RBM6: variants seen among roughly 807,000 people sequenced by gnomAD.
The protein encoded by RBM6 is RNA binding motif protein 6.
A neutral mutation model predicts 140.4 loss-of-function variants in RBM6; 23 were observed. The observed-to-expected ratio is 0.16, with a 90% CI of 0.12 to 0.23. The LOEUF is 0.23. Ranked by LOEUF, RBM6 falls within the 10% of genes least tolerant of loss-of-function variation. The pLI, the probability that RBM6 is intolerant of heterozygous loss-of-function variation, is 1.00. For synonymous variants in RBM6, 439 were observed against 475.6 expected (o/e 0.92, Z 1.00); for missense variants, 1,139 against 1,386.7 (o/e 0.82, Z 2.84).
In RBM6 at chr3:49,967,687, G is replaced by A; in HGVS notation, c.262G>A (p.Gly88Arg). 1.2e-6 allele frequency: 2 copies of A among 1,614,136 alleles called. No individual in the cohort carries two copies. The highest frequency in any genetic ancestry group is 1.7e-6 in the Non-Finnish European group (2 of 1,180,038). Reference protein sequence around the residue: ...RDGPHGDYRGGEGPGHDFRGG... With the variant: ...RDGPHGDYRGREGPGHDFRGG... The stretch of plus-strand genomic sequence containing the variant: ...CGGACCGCATGGTGACTATCGAGGA[G>A]GGGAGGGACCTGGACATGATTTCAG... The change falls in exon 3 of 21, where the codon GGG (glycine) becomes AGG (arginine). Residue 88 changes from glycine (G) to arginine (R), a missense_variant. Around this residue, in one of 9 missense-constraint regions of RBM6, gnomAD observed 566 missense variants for 612.7 expected, o/e 0.92. Coordinates refer to ENST00000266022, the MANE Select transcript of RBM6 (RefSeq NM_005777.3). This position sits in a 1 kb window ranked among gnomAD's most constrained non-coding sequence, Gnocchi z 4.0.
chr3:49,944,180 C>T (rs2083396287), intron 1 of RBM6, among the ~76,000 whole-genome samples: 1 of 152,158 alleles, frequency 6.6e-6, no homozygotes, highest in South Asian at 2.1e-4. Flanking sequence ...CTGACAATCA[C>T]CATTCTGCTT....
chr3:49,959,819 G>A (rs1164254256), intron 1 of RBM6, among the ~76,000 whole-genome samples: 4 of 151,918 alleles, frequency 2.6e-5, no homozygotes, highest in South Asian at 4.2e-4. Context: ...TGATCCACAC[G>A]CCTCAGCCTC....
intron 6 of RBM6, among the ~76,000 whole-genome samples, chr3:50,006,175 C>T (rs985266517): frequency 3.2e-4 from 47 of 145,552 alleles, no homozygotes; most frequent in Non-Finnish European, 5.5e-4. Flanking sequence ...GATGGAGTCT[C>T]GCTGTGTCGC....
chr3:50,032,025 C>A (rs1451622501), intron 6 of RBM6, among the ~76,000 whole-genome samples: 1 of 152,158 alleles, frequency 6.6e-6, no homozygotes, highest in African/African-American at 2.4e-5. Context: ...TCAAGCATTA[C>A]TTCTAGTTAT....
At chr3:50,061,766 CT>C in intron 14 of RBM6, 195 bp from the exon 15 acceptor site, 1 of 1,317,498 alleles carries the variant, frequency 7.6e-7, no homozygotes, top group South Asian at 1.6e-5. Flanking sequence ...CAGTGTTGCT[CT>C]TGAAAAAGTG....
chr3:50,053,821 G>T (rs190253782), intron 7 of RBM6, among the ~76,000 whole-genome samples: 1 of 152,212 alleles, frequency 6.6e-6, no homozygotes, highest in African/African-American at 2.4e-5. Flanking sequence ...CCTTATTCTG[G>T]GCTAGTGAAT....
At chr3:50,022,688 A>G (rs1288209796) in intron 6 of RBM6, among the ~76,000 whole-genome samples, 1 of 152,116 alleles carries the variant, frequency 6.6e-6, no homozygotes, top group African/African-American at 2.4e-5. Flanking sequence ...ACATTTGATT[A>G]TTAGTTATTC....
chr3:50,012,237 C>T (rs550983257), intron 6 of RBM6, among the ~76,000 whole-genome samples: 2 of 152,028 alleles, frequency 1.3e-5, no homozygotes, highest in African/African-American at 2.4e-5. Flanking sequence ...TTTTTAGAGA[C>T]GAGGTCTCAA....
intron 8 of RBM6, among the ~76,000 whole-genome samples, chr3:50,056,657 G>A (rs535251138): frequency 1.3e-5 from 2 of 152,204 alleles, no homozygotes; most frequent in East Asian, 3.9e-4. Flanking sequence ...GCTTTAATCT[G>A]GAAACCTGTC....
chr3:50,049,941 A>G (rs2089399320), intron 7 of RBM6, among the ~76,000 whole-genome samples: 2 of 150,718 alleles, frequency 1.3e-5, no homozygotes, highest in Admixed American at 6.6e-5. Flanking sequence ...TCTCACCTCA[A>G]CCTCCCAAAT....
chr3:49,958,906 C>T (rs1000967242), intron 1 of RBM6, among the ~76,000 whole-genome samples: 2 of 151,466 alleles, frequency 1.3e-5, no homozygotes, highest in African/African-American at 4.9e-5. Flanking sequence ...AGCGATACTC[C>T]TGCCTCAGCC....
intron 5 of RBM6, among the ~76,000 whole-genome samples, chr3:49,984,620 C>A (rs910955375): frequency 2.6e-5 from 1 of 38,338 alleles, no homozygotes; most frequent in Non-Finnish European, 6.4e-5. Flanking sequence ...CACATCGCAT[C>A]GCATCGCATC....
In RBM6 at chr3:49,967,740, C is replaced by T. The variant is rs762161878; in HGVS notation, c.315C>T (p.Phe105=). The T allele has an allele frequency of 5.0e-6, 8 of 1,614,044 alleles. No individual in the cohort carries two copies. In the South Asian group the frequency reaches 8.8e-5, roughly 18 times the overall value. ...FRGGDFSSSD[F]QSRDSSQLDF... ...GGGGAGATTTTTCGTCTTCTGATTT[C>T]CAGAGCAGAGATTCATCACAGTTGG... Residue 105 remains phenylalanine (F), a synonymous_variant, in exon 3 of 21, where the codon TTC becomes TTT. Transcript: ENST00000266022. This position sits in a 1 kb window ranked among gnomAD's most constrained non-coding sequence, Gnocchi z 4.0.
Position 50,066,405 on chromosome 3 carries a change from T to G in RBM6, c.2846T>G (p.Leu949Arg). 6.2e-7 allele frequency: 1 copy of G among 1,613,882 alleles called. No homozygotes were observed. ...AAGAAGGAGAATGAAGAAGACAAAC[T>G]CACTGACTGGAATAAACTGGCTTGT... ...QTKKENEEDKLTDWNKLACLL... is the reference protein window; with the variant it reads ...QTKKENEEDKRTDWNKLACLL... The change falls in exon 17 of 21, where the codon CTC becomes CGC. Residue 949 changes from leucine (L) to arginine (R), a missense_variant. By Grantham distance (102) the Leu-to-Arg change is moderately radical (BLOSUM62 -2). Transcript: ENST00000266022.
Position 50,040,843 on chromosome 3 carries a change from T to A in RBM6, c.1558-7402T>A, listed in dbSNP as rs575502663. Among the ~76,000 whole-genome samples, 6 of 151,966 alleles carry A rather than the reference T, an allele frequency of 3.9e-5. No homozygotes were observed. The South Asian group carries it at 1.2e-3, about 32-fold the overall frequency. ...TATTTTTTGTAGAGGCGGGGTTTTA[T>A]CACATTGCCCAGGCTGGTCTCGAAC... On this transcript the variant is annotated intron_variant, in intron 6 of 20. Coordinates refer to ENST00000266022, the MANE Select transcript of RBM6 (RefSeq NM_005777.3).
rs1428555147 is a variant in RBM6, at chr3:49,940,189, A to C, written c.-103A>C. The C allele has an allele frequency of 6.6e-6, 1 of 152,456 alleles. No individual in the cohort carries two copies. Among genetic ancestry groups the C allele is most frequent in the Non-Finnish European group, 1.5e-5 (1 of 68,336 alleles). The allele number at this position is 152,456 out of a possible 1,614,324, so 9.4% of individuals were successfully genotyped here. A position where few individuals can be genotyped will look rare whatever the true frequency, so the allele number is the denominator to read the frequency against. ...GCTGGGTCGGTGGCGGAGGCTGAGG[A>C]GAAGGAGGAGCGGGCCGTGGAGGCT... On this transcript the variant is annotated 5_prime_UTR_variant, in exon 1 of 21. Transcript: ENST00000266022.
chr3:50,057,859 G>C lies in RBM6; in HGVS notation c.1825G>C (p.Glu609Gln). 1 of 1,614,042 alleles carries C rather than the reference G, an allele frequency of 6.2e-7. No individual in the cohort carries two copies. The highest frequency in any genetic ancestry group is 1.3e-5 in the African/African-American group (1 of 74,990). Residue 609 changes from glutamate (E) to glutamine (Q), a missense_variant, in exon 9 of 21, where the codon GAA becomes CAA. By Grantham distance (29) the Glu-to-Gln change is conservative. Around this residue, in one of 9 missense-constraint regions of RBM6, gnomAD observed 109 missense variants for 101.9 expected, o/e 1.07. Coordinates refer to ENST00000266022, the MANE Select transcript of RBM6 (RefSeq NM_005777.3). Reference sequence around the variant, plus strand: ...GGAACCTGAACCCAGGAAGAGGGAAGAAGGCCAAGAGTCACGCTTAGGACA... The same window carrying C: ...GGAACCTGAACCCAGGAAGAGGGAACAAGGCCAAGAGTCACGCTTAGGACA... ...DKEPEPRKRE[E>Q]GQESRLGHQK...
At chr3:49,965,989 G>A (rs1473220053) in intron 2 of RBM6, among the ~76,000 whole-genome samples, 1 of 152,136 alleles carries the variant, frequency 6.6e-6, no homozygotes, top group Non-Finnish European at 1.5e-5. Flanking sequence ...AGCTGGGCAT[G>A]GTGGCGCATG....
chr3:49,997,148 T>G (rs1167059810), intron 5 of RBM6, among the ~76,000 whole-genome samples: 1 of 152,146 alleles, frequency 6.6e-6, no homozygotes, highest in East Asian at 1.9e-4. Flanking sequence ...CCATGAGTCT[T>G]GAACACACAG....
Sources: gnomAD v4.1 joint callset for allele counts (sites outside exome capture counted in the v4.1 genomes callset) on GRCh38, gnomAD v4.1.1 for gene constraint, gnomAD v4.1.1 regional missense constraint, Gnocchi (gnomAD v3.1) non-coding constraint, MANE v1.5 for transcripts, NCBI Gene and HGNC (gene_info 2026-07-23, HGNC 2026-07-21) for gene names.